Variants in PVT1 observed in about 807,000 individuals in gnomAD.
PVT1 encodes Pvt1 oncogene.
chr8:127,806,923 CTGTT>C (rs1420574088), intron 2 of PVT1, among the ~76,000 whole-genome samples: 1 of 152,228 alleles, frequency 6.6e-6, no homozygotes, highest in Non-Finnish European at 1.5e-5. Context: ...GGATATACCA[CTGTT>C]TGTTTATCTG....
At chr8:127,921,854 G>GTTTTTTTGTTT (rs1816063128) in intron 3 of PVT1, among the ~76,000 whole-genome samples, 1 of 71,896 alleles carries the variant, frequency 1.4e-5, no homozygotes, top group African/African-American at 6.1e-5. Context: ...TTTGGTTCAT[G>GTTTTTTTGTTT]TTTTTTTTTT....
At chr8:127,871,102 C>T (rs1815346825) in intron 2 of PVT1, among the ~76,000 whole-genome samples, 1 of 152,340 alleles carries the variant, frequency 6.6e-6, no homozygotes, top group Admixed American at 6.5e-5. Flanking sequence ...TGTCTACCTC[C>T]TCTGCAAGGA....
At chr8:127,894,566 A>T (rs142578992) in intron 3 of PVT1, among the ~76,000 whole-genome samples, 5 of 152,226 alleles carry the variant, frequency 3.3e-5, no homozygotes, top group Admixed American at 6.5e-5. Flanking sequence ...TGAGCAATGC[A>T]AGATGATTTC....
At chr8:128,087,448 C>T (rs1313508862) in intron 5 of PVT1, among the ~76,000 whole-genome samples, 1 of 152,206 alleles carries the variant, frequency 6.6e-6, no homozygotes, top group African/African-American at 2.4e-5. Context: ...TTACACATTT[C>T]AGGCATCTGG....
At chr8:127,963,067 C>G (rs974001160) in intron 3 of PVT1, among the ~76,000 whole-genome samples, 2 of 152,198 alleles carry the variant, frequency 1.3e-5, no homozygotes, top group African/African-American at 2.4e-5. Flanking sequence ...CAGCTCTCCT[C>G]TCTTTCCTCA....
At chr8:128,028,649 C>A (rs1304327693) in intron 4 of PVT1, among the ~76,000 whole-genome samples, 1 of 152,184 alleles carries the variant, frequency 6.6e-6, no homozygotes. Flanking sequence ...GAGCATAGAG[C>A]ACCCAGTTCA....
chr8:127,845,794 C>T (rs959059034), intron 2 of PVT1, among the ~76,000 whole-genome samples: 1 of 152,186 alleles, frequency 6.6e-6, no homozygotes, highest in African/African-American at 2.4e-5. Flanking sequence ...CCTGTTTTCC[C>T]ATCCACAGCC....
At chr8:127,818,116 T>C (rs1814687772) in intron 2 of PVT1, among the ~76,000 whole-genome samples, 1 of 152,160 alleles carries the variant, frequency 6.6e-6, no homozygotes, top group Non-Finnish European at 1.5e-5. Flanking sequence ...CCGGCTGGAT[T>C]GTGGCTTTCC....
intron 2 of PVT1, among the ~76,000 whole-genome samples, chr8:127,826,014 CTTT>C (rs57575268): frequency 3.3e-5 from 3 of 89,696 alleles, no homozygotes; most frequent in African/African-American, 9.3e-5. Context: ...CCATGCCCAG[CTTT>C]TTTTTTTTTT....
At chr8:128,008,886 CT>C in intron 4 of PVT1, 6 of 515,620 alleles carry the variant, frequency 1.2e-5, no homozygotes, top group Admixed American at 1.9e-5. Context: ...GGCTTACATG[CT>C]TTTTTCATAT....
In PVT1 at chr8:127,984,869, CTTTCTTTCTTTCTT is replaced by C. The variant is rs1248217220; in HGVS notation, n.783-4291_783-4278del. On this transcript the variant is annotated intron_variant and non_coding_transcript_variant, in intron 3 of 10. Transcript: ENST00000651587. ...TCTTTCTTTCTTTCTTTCTTTCTTT[CTTTCTTTCTTTCTT>C]TCTTTCTTTCTTTCTTTCTTTCTTT... Among the ~76,000 whole-genome samples the C allele has an allele frequency of 1.4e-4, 10 of 73,410 alleles. 1 individual carries two copies. Among genetic ancestry groups the C allele is most frequent in the African/African-American group, 3.9e-4 (8 of 20,740 alleles). The allele number at this position is 73,410 out of a possible 152,430, so 48.2% of individuals were successfully genotyped here. A position where few individuals can be genotyped will look rare whatever the true frequency, so the allele number is the denominator to read the frequency against.
rs188800715 is a variant in PVT1 at position 127,941,484 on chromosome 8, C to G, written n.783-47678C>G. Among the ~76,000 whole-genome samples the G allele has an allele frequency of 8.4e-3, 1,283 of 152,258 alleles. 18 individuals are homozygous for G. The highest frequency in any genetic ancestry group is 0.011 in the Non-Finnish European group (741 of 68,016). On this transcript the variant is annotated intron_variant and non_coding_transcript_variant, in intron 3 of 10. Coordinates refer to ENST00000651587, the Ensembl canonical transcript of PVT1. ...ATGAAGTGAATGGAGACACGTAAAG[C>G]GCTTAAAATATTATGTAGAGCCATG...
intron 2 of PVT1, among the ~76,000 whole-genome samples, chr8:127,880,674 C>T (rs751349835): frequency 6.8e-6 from 1 of 147,744 alleles, no homozygotes; most frequent in Admixed American, 6.9e-5. Flanking sequence ...GATCACTGCT[C>T]ATTGCAACTT....
intron 2 of PVT1, among the ~76,000 whole-genome samples, chr8:127,800,992 C>T (rs538630662): frequency 6.6e-6 from 1 of 152,184 alleles, no homozygotes; most frequent in Non-Finnish European, 1.5e-5. Context: ...TGACGTTAAC[C>T]TCCACCTGAA....
At chr8:128,031,122 A>G (rs2720687) in intron 4 of PVT1, among the ~76,000 whole-genome samples, 124,127 of 151,882 alleles carry the variant, frequency 0.82, 50,906 homozygotes, top group East Asian at 0.89. Flanking sequence ...GGCCTGTTCC[A>G]GGACAGATCA....
At chr8:127,795,319 T>C (rs995863631) in intron 1 of PVT1, among the ~76,000 whole-genome samples, 2 of 152,222 alleles carry the variant, frequency 1.3e-5, no homozygotes, top group Non-Finnish European at 2.9e-5. Context: ...GCTAACGTGC[T>C]CTTATTTATG....
chr8:128,083,470 A>G (rs1464444746), intron 5 of PVT1, among the ~76,000 whole-genome samples: 2 of 152,186 alleles, frequency 1.3e-5, no homozygotes, highest in African/African-American at 2.4e-5. Flanking sequence ...AGCAGCCACA[A>G]TGGTGGTTTC....
intron 4 of PVT1, among the ~76,000 whole-genome samples, chr8:128,051,993 G>A (rs1046349838): frequency 5.3e-5 from 8 of 152,246 alleles, no homozygotes; most frequent in African/African-American, 1.9e-4. Flanking sequence ...TTGTCTATTT[G>A]TAACCCTTGG....
chr8:127,884,333 C>T (rs1317665354), intron 2 of PVT1, among the ~76,000 whole-genome samples: 2 of 152,208 alleles, frequency 1.3e-5, no homozygotes, highest in South Asian at 4.1e-4. Context: ...TCACTGGTCG[C>T]TAGATTGTGT....
Sources: allele counts gnomAD v4.1 joint callset (sites outside exome capture counted in the v4.1 genomes callset), GRCh38; gene constraint gnomAD v4.1.1; transcripts MANE v1.5; gene names NCBI Gene and HGNC (gene_info 2026-07-23, HGNC 2026-07-21).